The following ATXN10 variants were observed in gnomAD, a reference collection of about 807,000 sequenced individuals.
ATXN10 encodes ataxin-10.
In ATXN10, 28 loss-of-function variants were observed where a neutral mutation model predicts 52.9. The observed-to-expected ratio is 0.53, with a 90% CI of 0.39 to 0.73. ATXN10 has a LOEUF of 0.73. Ranked by LOEUF, ATXN10 falls within the 30% of genes least tolerant of loss-of-function variation. The pLI is 0.00. For missense variants in ATXN10, 565 were observed against 577.0 expected (o/e 0.98, Z 0.21); for synonymous variants, 226 against 221.5 (o/e 1.02, Z -0.18).
chr22:45,776,875 G>A (rs1006234262), intron 9 of ATXN10, among the ~76,000 whole-genome samples: 1 of 152,054 alleles, frequency 6.6e-6, no homozygotes, highest in African/African-American at 2.4e-5. Context: ...GTTTTTAAAA[G>A]TTTCTTCATG....
rs1925461932 is a variant in ATXN10, at chr22:45,740,369, A to G, written c.1004A>G (p.Asp335Gly). The G allele has an allele frequency of 6.2e-7, 1 of 1,613,852 alleles. No individual in the cohort carries two copies. Among genetic ancestry groups the G allele is most frequent in the Non-Finnish European group, 8.5e-7 (1 of 1,179,840 alleles). Residue 335 changes from aspartate to glycine, a missense_variant and splice_region_variant, in exon 9 of 12, where the codon GAT (aspartate) becomes GGT (glycine). By Grantham distance (94) the Asp-to-Gly change is moderately conservative. Transcript: ENST00000252934. Reference protein sequence around the residue: ...VFPGLLERVIDLLRVIHVAGK... With the variant: ...VFPGLLERVIGLLRVIHVAGK... The stretch of plus-strand genomic sequence containing the variant: ...ATGAAGTTTACTCTTTTGGTTATAG[A>G]TCTTTTGCGGGTGATTCATGTAGCT...
chr22:45,772,500 G>A lies in ATXN10; in HGVS notation c.1173+31962G>A, dbSNP rs1245629125. Among the ~76,000 whole-genome samples, 1 of 152,062 alleles carries A rather than the reference G, an allele frequency of 6.6e-6. No individual in the cohort carries two copies. The highest frequency in any genetic ancestry group is 1.5e-5 in the Non-Finnish European group (1 of 68,008). ...TCAATTTACAGTAAATCTTAAAATT[G>A]GGTAGTGTGATTCATCCAACTTTAT... is the stretch of plus-strand genomic sequence containing the variant. On this transcript the variant is annotated intron_variant, in intron 9 of 11. Coordinates refer to ENST00000252934, the MANE Select transcript of ATXN10 (RefSeq NM_013236.4). The surrounding 1 kb of genome is among the most constrained non-coding windows in gnomAD (Gnocchi z 4.1).
chr22:45,818,868 GAGCCA>G lies in ATXN10; in HGVS notation c.1237+11851_1237+11855del, dbSNP rs1284533359. On this transcript the variant is annotated intron_variant, in intron 10 of 11. Coordinates refer to ENST00000252934, the MANE Select transcript of ATXN10 (RefSeq NM_013236.4). The surrounding 1 kb of genome is among the most constrained non-coding windows in gnomAD (Gnocchi z 4.6). ...CCTGTTCCTAAGGACCTGCTCCTTA[GAGCCA>G]AGCCCCGTGACTGATGCAGGCTGAT... Among the ~76,000 whole-genome samples the G allele has an allele frequency of 6.6e-6, 1 of 152,134 alleles. No individual in the cohort carries two copies. Among genetic ancestry groups the G allele is most frequent in the Non-Finnish European group, 1.5e-5 (1 of 68,026 alleles).
rs914613059 is a variant in ATXN10, at chr22:45,727,661, A to G, written c.729-1764A>G. Among the ~76,000 whole-genome samples, 4 of 152,090 alleles carry G rather than the reference A, an allele frequency of 2.6e-5. No individual in the cohort carries two copies. The highest frequency in any genetic ancestry group is 2.6e-4 in the Admixed American group (4 of 15,242). ...CAGGTGTGAGCCACCACACCCAGCC[A>G]ATATATTTTGATTTTTAAAAAAATA... On this transcript the variant is annotated intron_variant, in intron 6 of 11. Coordinates refer to ENST00000252934, the MANE Select transcript of ATXN10 (RefSeq NM_013236.4). This position sits in a 1 kb window ranked among gnomAD's most constrained non-coding sequence, Gnocchi z 4.6.
At chr22:45,729,844 G>A (rs749321263) in intron 7 of ATXN10, 19 of 495,978 alleles carry the variant, frequency 3.8e-5, no homozygotes, top group Non-Finnish European at 5.9e-5. Flanking sequence ...GCACACAGAC[G>A]TAGACATGTG....
In ATXN10 at chr22:45,702,806, T is replaced by C; in HGVS notation, c.606T>C (p.Asp202=). ...AGGAGAACCTCAATATTGCAATTGA[T>C]GTCATAGATGCTTACCAAAAACATC... ...ELEENLNIAI[D]VIDAYQKHPE... The change falls in exon 5 of 12, where the codon GAT becomes GAC. Residue 202 remains aspartate (D), a synonymous_variant. Coordinates refer to ENST00000252934, the MANE Select transcript of ATXN10 (RefSeq NM_013236.4). The C allele has an allele frequency of 6.2e-7, 1 of 1,613,996 alleles. No homozygotes were observed. The highest frequency in any genetic ancestry group is 8.5e-7 in the Non-Finnish European group (1 of 1,179,976).
intron 1 of ATXN10, among the ~76,000 whole-genome samples, chr22:45,686,129 T>C (rs751999844): frequency 1.3e-4 from 20 of 152,228 alleles, no homozygotes; most frequent in Non-Finnish European, 2.5e-4. Flanking sequence ...CTTTCCCCTT[T>C]CTGTTGCTGA....
intron 3 of ATXN10, among the ~76,000 whole-genome samples, chr22:45,699,615 C>T (rs1347425004): frequency 4.6e-5 from 7 of 150,882 alleles, no homozygotes; most frequent in Non-Finnish European, 1.0e-4. Context: ...CCTCAGCCTC[C>T]TAAGTAGCTG....
chr22:45,778,027 A>T (rs536059942), intron 9 of ATXN10, among the ~76,000 whole-genome samples: 1 of 152,208 alleles, frequency 6.6e-6, no homozygotes, highest in Non-Finnish European at 1.5e-5. Flanking sequence ...AATATTGCCT[A>T]TGGCCATTCT....
chr22:45,727,401 C>T lies in ATXN10; in HGVS notation c.729-2024C>T, dbSNP rs1187504256. 7.2e-5 allele frequency among the ~76,000 whole-genome samples: 11 copies of T among 151,736 alleles called. No homozygotes were observed. Among genetic ancestry groups the T allele is most frequent in the Admixed American group, 5.9e-4 (9 of 15,232 alleles). On this transcript the variant is annotated intron_variant, in intron 6 of 11. Coordinates refer to ENST00000252934, the MANE Select transcript of ATXN10 (RefSeq NM_013236.4). The surrounding 1 kb of genome is among the most constrained non-coding windows in gnomAD (Gnocchi z 4.6). ...TGAGACTGAGTCTCGCTCTGTTGCC[C>T]AGGCTGGGGTGCAGTGGCACGATCT... is the stretch of plus-strand genomic sequence containing the variant.
At chr22:45,829,661 A>G (rs894525008) in intron 10 of ATXN10, among the ~76,000 whole-genome samples, 1 of 152,220 alleles carries the variant, frequency 6.6e-6, no homozygotes, top group African/African-American at 2.4e-5. Context: ...CTTAGGAATT[A>G]ACTTACTCAA....
At chr22:45,788,983 G>A (rs529891460) in intron 9 of ATXN10, among the ~76,000 whole-genome samples, 7 of 152,172 alleles carry the variant, frequency 4.6e-5, no homozygotes, top group Middle Eastern at 3.4e-3. Context: ...TGCCAGGACC[G>A]TCACCCCCAA....
chr22:45,796,821 G>A (rs990288082), intron 9 of ATXN10, among the ~76,000 whole-genome samples: 2 of 152,132 alleles, frequency 1.3e-5, no homozygotes, highest in African/African-American at 2.4e-5. Context: ...TGAAAGGCAA[G>A]ACTCAATTAT....
chr22:45,740,604 C>T, intron 9 of ATXN10, 66 bp downstream of exon 9: 1 of 1,520,796 alleles, frequency 6.6e-7, no homozygotes, highest in Admixed American at 1.7e-5. Flanking sequence ...CCTTGGAAGA[C>T]ATTCACTCTT....
chr22:45,716,615 A>T (rs1924457724), intron 5 of ATXN10, among the ~76,000 whole-genome samples: 1 of 152,090 alleles, frequency 6.6e-6, no homozygotes, highest in African/African-American at 2.4e-5. Flanking sequence ...AAGTGCTGGG[A>T]TTACAAGGTG....
intron 9 of ATXN10, among the ~76,000 whole-genome samples, chr22:45,791,252 C>G (rs1195610156): frequency 6.6e-6 from 1 of 152,162 alleles, no homozygotes; most frequent in Non-Finnish European, 1.5e-5. Flanking sequence ...TCTAGTTCCT[C>G]TTTGATTTTC....
intron 9 of ATXN10, among the ~76,000 whole-genome samples, chr22:45,749,258 C>T (rs749199166): frequency 1.2e-4 from 19 of 152,058 alleles, no homozygotes; most frequent in East Asian, 3.9e-4. Flanking sequence ...AATTAATGGA[C>T]GCTGGATGAC....
chr22:45,836,619 G>A (rs567137657), intron 10 of ATXN10, among the ~76,000 whole-genome samples: 1 of 152,326 alleles, frequency 6.6e-6, no homozygotes, highest in South Asian at 2.1e-4. Context: ...TCCCCCCTGG[G>A]GATGCACTGG....
intron 6 of ATXN10, among the ~76,000 whole-genome samples, chr22:45,721,205 A>T (rs1398889598): frequency 6.6e-6 from 1 of 152,182 alleles, no homozygotes; most frequent in Non-Finnish European, 1.5e-5. Flanking sequence ...GAGAGCCTAC[A>T]TTTACATACT....
Sources: allele counts gnomAD v4.1 joint callset (sites outside exome capture counted in the v4.1 genomes callset), GRCh38; gene constraint gnomAD v4.1.1; non-coding constraint Gnocchi (gnomAD v3.1); transcripts MANE v1.5; gene names NCBI Gene and HGNC (gene_info 2026-07-23, HGNC 2026-07-21).